NAV3: variants seen among roughly 807,000 people sequenced by gnomAD.
The protein encoded by NAV3 is pore membrane and/or filament interacting like protein 1.
A neutral mutation model predicts 244.7 loss-of-function variants in NAV3; 87 were observed. The observed-to-expected ratio is 0.36, with a 90% CI of 0.30 to 0.42. The LOEUF is 0.42. Among genes scored for constraint, NAV3 ranks in the 20% least tolerant of loss-of-function variants. The pLI, the probability that NAV3 is intolerant of heterozygous loss-of-function variation, is 1.00. For synonymous variants in NAV3, 1,126 were observed against 1,042.2 expected (o/e 1.08, Z -1.55); for missense variants, 2,663 against 2,893.3 (o/e 0.92, Z 1.83).
intron 3 of NAV3, 104 bp from the exon 4 acceptor site, chr12:77,966,125 G>A (rs1220332645): frequency 1.5e-5 from 15 of 972,338 alleles, no homozygotes; most frequent in Non-Finnish European, 2.3e-5. Context: ...TGAAATGAAT[G>A]TAAACTATTC....
At chr12:77,648,946 G>A (rs531486378) in intron 2 of NAV3, among the ~76,000 whole-genome samples, 4 of 152,102 alleles carry the variant, frequency 2.6e-5, no homozygotes, top group Non-Finnish European at 5.9e-5. Context: ...TGGGAAATAG[G>A]ACAGTATGAG....
chr12:77,963,015 G>A (rs1471295799), intron 3 of NAV3, among the ~76,000 whole-genome samples: 1 of 124,798 alleles, frequency 8.0e-6, no homozygotes, highest in Non-Finnish European at 1.9e-5. Flanking sequence ...TTTGAATTTT[G>A]TTAGTTTGTT....
intron 1 of NAV3, among the ~76,000 whole-genome samples, chr12:77,927,365 A>G (rs1013461215): frequency 4.6e-5 from 7 of 152,212 alleles, no homozygotes; most frequent in Admixed American, 2.0e-4. Context: ...TGGAGTTAAG[A>G]AAGGCTCATA....
intron 2 of NAV3, among the ~76,000 whole-genome samples, chr12:77,591,547 A>G (rs918805353): frequency 6.6e-6 from 1 of 152,224 alleles, no homozygotes; most frequent in Admixed American, 6.5e-5. Flanking sequence ...TCTTGAGTCT[A>G]TAGAACCAAC....
intron 5 of NAV3, among the ~76,000 whole-genome samples, chr12:77,974,449 T>A (rs573450514): frequency 1.3e-5 from 2 of 149,070 alleles, no homozygotes; most frequent in East Asian, 4.1e-4. Flanking sequence ...GGCCAGCTGT[T>A]TATTATTATT....
rs189068500 is a variant in NAV3, at chr12:77,614,139, A to G, written c.72+41873A>G. Among the ~76,000 whole-genome samples, 270 of 126,850 alleles carry G rather than the reference A, an allele frequency of 2.1e-3. 3 individuals carry two copies. Among genetic ancestry groups the G allele is most frequent in the Middle Eastern group, 0.013 (2 of 160 alleles). The allele number at this position is 126,850 out of a possible 152,430, so 83.2% of individuals were successfully genotyped here. ...CCCTCCTTCACCCAGGCTGGGGTGC[A>G]GTGGCGCTATTCAATGCCTTATGTG... On this transcript the variant is annotated intron_variant, in intron 2 of 8. Coordinates refer to the NAV3 transcript ENST00000550042.
chr12:77,643,592 C>A (rs1872509386), intron 2 of NAV3, among the ~76,000 whole-genome samples: 1 of 151,454 alleles, frequency 6.6e-6, no homozygotes, highest in South Asian at 2.1e-4. Context: ...ACCTTATTTG[C>A]CAAAACAAAG....
At chr12:78,181,900 C>T (rs775798170) in intron 30 of NAV3, among the ~76,000 whole-genome samples, 24 of 152,006 alleles carry the variant, frequency 1.6e-4, no homozygotes, top group South Asian at 6.2e-4. Flanking sequence ...ATTACATTTC[C>T]AATGAATCAC....
At chr12:77,674,203 A>G (rs77492202) in intron 2 of NAV3, among the ~76,000 whole-genome samples, 2,332 of 152,292 alleles carry the variant, frequency 0.015, 36 homozygotes, top group Non-Finnish European at 0.024. Flanking sequence ...TCTTTAGCTC[A>G]TGTGGTTTGG....
rs780549641 is a variant in NAV3, at chr12:78,177,163, C to T, written c.5147C>T (p.Ala1716Val). ...CAGCTGAGAAGTTCTTTCAAACAAG[C>T]CTTTGGGAAGAAAAAGTCCACCAAG... The part of the protein sequence containing the change: ...GSELRSSFKQ[A>V]FGKKKSTKPP... Residue 1716 changes from alanine (A) to valine (V), a missense_variant, in exon 27 of 40, where the codon GCC becomes GTC. Ala to Val is a moderately conservative substitution (Grantham distance 64). This residue lies in a region of NAV3 where 193 missense variants were observed against 200.7 expected (regional missense o/e 0.96). Transcript: ENST00000397909. 9 of 1,613,250 alleles carry T rather than the reference C, an allele frequency of 5.6e-6. No homozygotes were observed. The highest frequency in any genetic ancestry group is 2.2e-5 in the East Asian group (1 of 44,782).
intron 2 of NAV3, among the ~76,000 whole-genome samples, chr12:77,690,169 A>T (rs1874939094): frequency 6.6e-6 from 1 of 151,812 alleles, no homozygotes; most frequent in Non-Finnish European, 1.5e-5. Context: ...ATGTTCTCAA[A>T]CATCCTGATT....
chr12:77,835,741 A>G (rs566668264), intron 1 of NAV3, among the ~76,000 whole-genome samples: 7 of 152,310 alleles, frequency 4.6e-5, no homozygotes, highest in African/African-American at 1.7e-4. Flanking sequence ...CTCTACCCAC[A>G]TCCATGCAGC....
At chr12:78,067,450 TG>T (rs1174144332) in intron 12 of NAV3, among the ~76,000 whole-genome samples, 1 of 152,120 alleles carries the variant, frequency 6.6e-6, no homozygotes, top group African/African-American at 2.4e-5. Flanking sequence ...TTTGCCATTC[TG>T]CTCATGATTG....
chr12:77,649,647 A>G (rs1304974329), intron 2 of NAV3, among the ~76,000 whole-genome samples: 1 of 152,198 alleles, frequency 6.6e-6, no homozygotes, highest in Non-Finnish European at 1.5e-5. Context: ...TGTGACCTTC[A>G]TATTTTAATC....
chr12:78,133,962 T>C (rs1024260699), intron 18 of NAV3, among the ~76,000 whole-genome samples: 3 of 152,190 alleles, frequency 2.0e-5, no homozygotes, highest in Admixed American at 6.5e-5. Flanking sequence ...TCTCATAACC[T>C]GGTGAGACTC....
intron 23 of NAV3, among the ~76,000 whole-genome samples, chr12:78,159,561 C>T (rs1957440402): frequency 6.6e-6 from 1 of 151,796 alleles, no homozygotes; most frequent in African/African-American, 2.4e-5. Flanking sequence ...CCCAGCTACG[C>T]AGGAGGCTGA....
intron 22 of NAV3, among the ~76,000 whole-genome samples, chr12:78,152,626 G>T (rs966094739): frequency 1.7e-4 from 26 of 151,822 alleles, no homozygotes; most frequent in African/African-American, 4.8e-4. Flanking sequence ...GAAGTGCTGT[G>T]TTTAAATTTC....
chr12:77,870,841 T>C (rs1310132127), intron 1 of NAV3, among the ~76,000 whole-genome samples: 3 of 152,222 alleles, frequency 2.0e-5, no homozygotes, highest in African/African-American at 7.2e-5. Flanking sequence ...AGAGCAGTCA[T>C]CATCCACAAC....
intron 1 of NAV3, among the ~76,000 whole-genome samples, chr12:77,881,774 A>T (rs930980450): frequency 6.6e-6 from 1 of 152,184 alleles, no homozygotes; most frequent in East Asian, 1.9e-4. Context: ...ATTTCTATAC[A>T]CCAATAGCAT....
Sources: allele counts gnomAD v4.1 joint callset (sites outside exome capture counted in the v4.1 genomes callset), GRCh38; gene constraint gnomAD v4.1.1; regional missense constraint gnomAD v4.1.1; transcripts MANE v1.5; gene names NCBI Gene and HGNC (gene_info 2026-07-23, HGNC 2026-07-21).